The following NCS1 variants were observed in gnomAD, a reference collection of about 807,000 sequenced individuals.
NCS1 encodes neuronal calcium sensor 1.
A neutral mutation model predicts 28.4 loss-of-function variants in NCS1; 6 were observed. The ratio of observed to expected loss-of-function variants is 0.21; its 90% CI spans 0.12 to 0.42. The LOEUF is 0.42. NCS1 is among the 10% of genes least tolerant of loss of function. NCS1 has a pLI of 1.00. For missense variants in NCS1, 131 were observed against 241.4 expected, an observed-to-expected ratio of 0.54 and a Z score of 3.03; for synonymous variants, 86 against 99.3, an observed-to-expected ratio of 0.87 and a Z score of 0.79.
chr9:130,222,100 G>GTA lies in NCS1; in HGVS notation c.308-539_308-538dup, dbSNP rs1262833517. Among the ~76,000 whole-genome samples, 12 of 62,398 alleles carry GTA rather than the reference G, an allele frequency of 1.9e-4. 1 individual carries two copies. The highest frequency in any genetic ancestry group is 5.8e-4 in the African/African-American group (11 of 18,848). 40.9% of individuals were successfully genotyped at this position (62,398 alleles called of 152,430 possible). The stretch of plus-strand genomic sequence containing the variant: ...TCTATAAATATATATATGTGTGTGT[G>GTA]TATATATATATACGTATATATATAT... On this transcript the variant is annotated intron_variant, in intron 4 of 7. Coordinates refer to ENST00000372398, the MANE Select transcript of NCS1 (RefSeq NM_014286.4).
intron 1 of NCS1, among the ~76,000 whole-genome samples, chr9:130,196,423 C>T (rs1554906834): frequency 6.6e-6 from 1 of 152,166 alleles, no homozygotes; most frequent in African/African-American, 2.4e-5. Flanking sequence ...GCGTCTTGAC[C>T]CTCACCCCTG....
At chr9:130,182,597 T>C (rs983383310) in intron 1 of NCS1, among the ~76,000 whole-genome samples, 1 of 151,840 alleles carries the variant, frequency 6.6e-6, no homozygotes, top group East Asian at 1.9e-4. Flanking sequence ...CTGATAGGAG[T>C]GTGTGGCGCA....
chr9:130,182,958 T>G (rs1420976531), intron 1 of NCS1, among the ~76,000 whole-genome samples: 1 of 152,220 alleles, frequency 6.6e-6, no homozygotes, highest in Non-Finnish European at 1.5e-5. Context: ...CCCGTGACTT[T>G]TAGCTCCTTG....
chr9:130,203,790 C>T (rs571859501), intron 2 of NCS1, among the ~76,000 whole-genome samples: 9 of 152,244 alleles, frequency 5.9e-5, no homozygotes, highest in African/African-American at 2.2e-4. Flanking sequence ...ATTTCATTCT[C>T]ACAATGACCC....
intron 1 of NCS1, among the ~76,000 whole-genome samples, chr9:130,184,109 GTCTTT>G (rs782196363): frequency 2.6e-5 from 4 of 151,928 alleles, no homozygotes; most frequent in Non-Finnish European, 5.9e-5. Context: ...CGCGCCCGGC[GTCTTT>G]TCTTTTCTTT....
At chr9:130,184,794 A>T (rs1393790763) in intron 1 of NCS1, among the ~76,000 whole-genome samples, 4 of 146,430 alleles carry the variant, frequency 2.7e-5, no homozygotes, top group Non-Finnish European at 4.5e-5. Flanking sequence ...CGCCTGGCTA[A>T]TTTTTTTTTT....
At chr9:130,224,980 T>A (rs1833391122) in intron 6 of NCS1, among the ~76,000 whole-genome samples, 1 of 152,072 alleles carries the variant, frequency 6.6e-6, no homozygotes, top group South Asian at 2.1e-4. Flanking sequence ...TCACTTGAGC[T>A]CAGGAGTTTG....
intron 2 of NCS1, among the ~76,000 whole-genome samples, chr9:130,210,459 G>A (rs186376057): frequency 2.4e-4 from 37 of 151,976 alleles, no homozygotes; most frequent in African/African-American, 7.2e-4. Context: ...GTGGGGACTC[G>A]GGAGGGTATT....
chr9:130,223,239 G>A, intron 6 of NCS1, 80 bp downstream of exon 6: 1 of 1,373,596 alleles, frequency 7.3e-7, no homozygotes. Context: ...TGGATCCTGG[G>A]CCTGGCTTTG....
At position 130,219,413 on chromosome 9, in the gene NCS1, T is replaced by C. The variant is rs1833237568; in HGVS notation, c.229-312T>C. 3.3e-5 allele frequency among the ~76,000 whole-genome samples: 5 copies of C among 152,290 alleles called. No individual in the cohort carries two copies. In the South Asian group the frequency reaches 1.0e-3, roughly 32 times the overall value. On this transcript the variant is annotated intron_variant, in intron 3 of 7. Coordinates refer to ENST00000372398, the MANE Select transcript of NCS1 (RefSeq NM_014286.4). This position sits in a 1 kb window ranked among gnomAD's most constrained non-coding sequence, Gnocchi z 5.7. Reference sequence around the variant, plus strand: ...CTTCCGGGCTGTTGCTGAGAGGAGCTCAGGCATTGGTGCTTCTGGCACCTT... The same window carrying C: ...CTTCCGGGCTGTTGCTGAGAGGAGCCCAGGCATTGGTGCTTCTGGCACCTT...
chr9:130,191,435 C>T lies in NCS1; in HGVS notation c.65-9523C>T, dbSNP rs781979130. Among the ~76,000 whole-genome samples, 7 of 152,188 alleles carry T rather than the reference C, an allele frequency of 4.6e-5. No individual in the cohort carries two copies. Among genetic ancestry groups the T allele is most frequent in the East Asian group, 1.9e-4 (1 of 5,174 alleles). ...CCAACAGGTGAAATACCCCCCGATT[C>T]GAGTGCTCAGCCTTCCTCCCACCAG... On this transcript the variant is annotated intron_variant, in intron 1 of 7. Coordinates refer to ENST00000372398, the MANE Select transcript of NCS1 (RefSeq NM_014286.4). This position sits in a 1 kb window ranked among gnomAD's most constrained non-coding sequence, Gnocchi z 6.4.
At chr9:130,187,763 CTG>C (rs1554905799) in intron 1 of NCS1, among the ~76,000 whole-genome samples, 1 of 152,232 alleles carries the variant, frequency 6.6e-6, no homozygotes, top group Non-Finnish European at 1.5e-5. Flanking sequence ...CCTCTCGCCT[CTG>C]TTGCATCTTG....
intron 3 of NCS1, among the ~76,000 whole-genome samples, chr9:130,218,382 A>G (rs1554909694): frequency 1.3e-5 from 2 of 152,252 alleles, no homozygotes; most frequent in Non-Finnish European, 2.9e-5. Flanking sequence ...CACACAATGC[A>G]TGGACTTGCA....
rs1832810651 is a variant in NCS1, at chr9:130,191,077, C to T, written c.65-9881C>T. Among the ~76,000 whole-genome samples, 1 of 152,226 alleles carries T rather than the reference C, an allele frequency of 6.6e-6. No homozygotes were observed. Among genetic ancestry groups the T allele is most frequent in the South Asian group, 2.1e-4 (1 of 4,828 alleles). Reference sequence around the variant, plus strand: ...ATCGGCACAGCATCTCCAGGGCGCCCACCATGTGCTGGGCTCAGTGCTTGT... The same window carrying T: ...ATCGGCACAGCATCTCCAGGGCGCCTACCATGTGCTGGGCTCAGTGCTTGT... On this transcript the variant is annotated intron_variant, in intron 1 of 7. Coordinates refer to ENST00000372398, the MANE Select transcript of NCS1 (RefSeq NM_014286.4). This position sits in a 1 kb window ranked among gnomAD's most constrained non-coding sequence, Gnocchi z 6.4.
In NCS1 at chr9:130,235,829, G is replaced by C. The variant is rs550720461; in HGVS notation, c.*2857G>C. On this transcript the variant is annotated 3_prime_UTR_variant, in exon 8 of 8. Coordinates refer to ENST00000372398, the MANE Select transcript of NCS1 (RefSeq NM_014286.4). ...CACAGCGGCGTTTGCCACCCAATGC[G>C]GCTCGCTTCAGATGCTCTGATGCAG... The C allele has an allele frequency of 2.6e-5, 4 of 152,446 alleles. No individual in the cohort carries two copies. The East Asian group carries it at 5.8e-4, about 22-fold the overall frequency. The allele number at this position is 152,446 out of a possible 1,614,324, so 9.4% of individuals were successfully genotyped here.
intron 1 of NCS1, 119 bp from the exon 2 acceptor site, chr9:130,200,839 C>T (rs1832935678): frequency 2.0e-6 from 3 of 1,490,904 alleles, no homozygotes. Flanking sequence ...CAGGCCGTTG[C>T]CCGGGGACAT....
intron 7 of NCS1, among the ~76,000 whole-genome samples, chr9:130,231,712 T>C (rs1380526940): frequency 6.6e-6 from 1 of 152,060 alleles, no homozygotes; most frequent in Non-Finnish European, 1.5e-5. Context: ...TCTTTGGGTA[T>C]ATACCTAGGA....
At chr9:130,178,448 T>C (rs947877476) in intron 1 of NCS1, among the ~76,000 whole-genome samples, 1 of 152,196 alleles carries the variant, frequency 6.6e-6, no homozygotes, top group Non-Finnish European at 1.5e-5. Flanking sequence ...GGAAAGCCCT[T>C]TTCCCCGGCA....
At chr9:130,211,113 A>G (rs1320537433) in intron 2 of NCS1, among the ~76,000 whole-genome samples, 3 of 140,756 alleles carry the variant, frequency 2.1e-5, no homozygotes, top group Non-Finnish European at 4.5e-5. Context: ...TCGGCCTCCC[A>G]AAGTGCTGGG....
Sources: gnomAD v4.1 joint callset for allele counts (sites outside exome capture counted in the v4.1 genomes callset) on GRCh38, gnomAD v4.1.1 for gene constraint, Gnocchi (gnomAD v3.1) non-coding constraint, MANE v1.5 for transcripts, NCBI Gene and HGNC (gene_info 2026-07-23, HGNC 2026-07-21) for gene names.